CRIPTO: variants seen among roughly 807,000 people sequenced by gnomAD.
CRIPTO encodes protein Cripto.
chr3:46,579,790 G>A, the CRIPTO span: 10 of 1,613,370 alleles, frequency 6.2e-6, no homozygotes, highest in African/African-American at 5.3e-5. Flanking sequence ...TGCATGCTGG[G>A]GTCCTTTTGT....
chr3:46,576,797 G>A, the CRIPTO span, among the ~76,000 whole-genome samples: 2 of 152,184 alleles, frequency 1.3e-5, no homozygotes, highest in Non-Finnish European at 2.9e-5. Context: ...ATAACCCGGA[G>A]GATTGAAATG....
the CRIPTO span, among the ~76,000 whole-genome samples, chr3:46,577,061 T>C: frequency 6.6e-6 from 1 of 152,194 alleles, no homozygotes; most frequent in Non-Finnish European, 1.5e-5. Flanking sequence ...TCTAGAACTT[T>C]TTCCTGGAAC....
At chr3:46,576,480 CAAAAAAAAAAAAAA>C in the CRIPTO span, among the ~76,000 whole-genome samples, 6 of 55,054 alleles carry the variant, frequency 1.1e-4, no homozygotes, top group African/African-American at 3.8e-4. Context: ...GACTCTGTCG[CAAAAAAAAAAAAAA>C]AAAAAAAAAA....
the CRIPTO span, chr3:46,577,899 T>C: frequency 8.0e-6 from 12 of 1,491,864 alleles, no homozygotes; most frequent in African/African-American, 1.2e-4. Flanking sequence ...ATGTTTTCCT[T>C]TGGCTGTTTT....
At chr3:46,581,286 A>G in the CRIPTO span, 1 of 1,520,604 alleles carries the variant, frequency 6.6e-7, no homozygotes, top group Non-Finnish European at 9.1e-7. Context: ...ACAATTTTAG[A>G]TATCATGCAA....
At chr3:46,579,653 TTG>T in the CRIPTO span, 2 of 1,323,548 alleles carry the variant, frequency 1.5e-6, no homozygotes, top group Non-Finnish European at 2.2e-6. Context: ...ATACAACACA[TTG>T]GTGTTGTATT....
At chr3:46,579,112 C>T in the CRIPTO span, 6 of 1,613,996 alleles carry the variant, frequency 3.7e-6, no homozygotes, top group African/African-American at 1.3e-5. Context: ...TGGATCATGG[C>T]CATTTCTAAA....
At chr3:46,576,897 T>C in the CRIPTO span, among the ~76,000 whole-genome samples, 5 of 151,524 alleles carry the variant, frequency 3.3e-5, no homozygotes, top group Non-Finnish European at 7.4e-5. Flanking sequence ...CGTTTACCCC[T>C]GCAAGCGGCA....
the CRIPTO span, among the ~76,000 whole-genome samples, chr3:46,576,242 G>A: frequency 2.1e-4 from 32 of 152,224 alleles, 1 homozygote; most frequent in African/African-American, 7.0e-4. Flanking sequence ...GGCCGAGGCG[G>A]GTGGATCATG....
the CRIPTO span, chr3:46,577,659 G>T: frequency 8.3e-6 from 4 of 484,064 alleles, no homozygotes; most frequent in Non-Finnish European, 1.1e-5. Context: ...CCATTGTCAT[G>T]CTGGTGGGCG....
At chr3:46,579,000 G>A in the CRIPTO span, 2 of 1,337,458 alleles carry the variant, frequency 1.5e-6, no homozygotes, top group Non-Finnish European at 2.1e-6. Context: ...TCAGTGATCT[G>A]TGGTCTTGTC....
the CRIPTO span, chr3:46,579,840 G>A: frequency 1.2e-6 from 2 of 1,614,124 alleles, no homozygotes; most frequent in South Asian, 1.1e-5. Flanking sequence ...CTGTGAGCAC[G>A]ATGTGCGCAA....
At chr3:46,577,687 G>A in the CRIPTO span, 2 of 521,260 alleles carry the variant, frequency 3.8e-6, no homozygotes, top group African/African-American at 3.8e-5. Flanking sequence ...CACCTGAAAG[G>A]TCTCCCCGCC....
At chr3:46,579,873 G>A in the CRIPTO span, 3 of 1,614,186 alleles carry the variant, frequency 1.9e-6, no homozygotes, top group South Asian at 2.2e-5. Flanking sequence ...TCAGAGGGGC[G>A]GGGAGCCGTG....
chr3:46,578,576 G>A, the CRIPTO span, among the ~76,000 whole-genome samples: 3 of 152,108 alleles, frequency 2.0e-5, no homozygotes, highest in Non-Finnish European at 4.4e-5. Context: ...AAGCATGGTG[G>A]CGGGCACCTG....
the CRIPTO span, chr3:46,579,777 A>T: frequency 8.7e-6 from 14 of 1,613,202 alleles, no homozygotes; most frequent in Non-Finnish European, 1.1e-5. Flanking sequence ...GAATGGGGGA[A>T]CCTGCATGCT....
the CRIPTO span, among the ~76,000 whole-genome samples, chr3:46,576,480 CAAAAAAAAAAA>C: frequency 7.1e-4 from 39 of 55,052 alleles, 1 homozygote; most frequent in African/African-American, 2.8e-3. Flanking sequence ...GACTCTGTCG[CAAAAAAAAAAA>C]AAAAAAAAAA....
the CRIPTO span, chr3:46,580,164 C>T: frequency 5.6e-5 from 83 of 1,477,646 alleles, no homozygotes; most frequent in Admixed American, 1.3e-4. Flanking sequence ...CTTGCTAGAG[C>T]CTGGCAGCCA....
the CRIPTO span, among the ~76,000 whole-genome samples, chr3:46,580,447 G>A: frequency 3.9e-5 from 6 of 152,112 alleles, no homozygotes; most frequent in Non-Finnish European, 5.9e-5. Flanking sequence ...CCACCCTGAC[G>A]ACAAATTCTA....
Sources: allele counts gnomAD v4.1 joint callset (sites outside exome capture counted in the v4.1 genomes callset), GRCh38; gene constraint gnomAD v4.1.1; transcripts MANE v1.5; gene names NCBI Gene and HGNC (gene_info 2026-07-23, HGNC 2026-07-21).